Variants in POU6F2 observed in about 807,000 individuals in gnomAD.
The protein encoded by POU6F2 is POU domain, class 6, transcription factor 2.
POU6F2 carries 31 observed loss-of-function variants against 71.3 expected under a neutral mutation model. The observed-to-expected ratio is 0.43, with a 90% CI of 0.33 to 0.59. POU6F2 has a LOEUF of 0.59. POU6F2 is among the 20% of genes least tolerant of loss of function. The pLI, the probability that POU6F2 is intolerant of heterozygous loss-of-function variation, is 0.04. For missense variants in POU6F2, 783 were observed against 856.8 expected (o/e 0.91, Z 1.07); for synonymous variants, 347 against 355.7 (o/e 0.98, Z 0.27).
chr7:39,016,204 T>C (rs1235481865), intron 1 of POU6F2, among the ~76,000 whole-genome samples: 1 of 141,148 alleles, frequency 7.1e-6, no homozygotes. Context: ...TATATAGATG[T>C]ATATAAGATT....
chr7:39,280,501 C>A (rs1423908979), intron 4 of POU6F2, among the ~76,000 whole-genome samples: 2 of 152,222 alleles, frequency 1.3e-5, no homozygotes, highest in African/African-American at 4.8e-5. Flanking sequence ...TCTCTGGAAC[C>A]TACTCTCCTT....
chr7:39,392,922 G>A (rs942057281), intron 5 of POU6F2, among the ~76,000 whole-genome samples: 7 of 152,072 alleles, frequency 4.6e-5, no homozygotes, highest in African/African-American at 1.7e-4. Context: ...TTGCTGATTG[G>A]GGAGATGGGT....
chr7:39,407,722 G>A (rs1358130944), intron 6 of POU6F2, among the ~76,000 whole-genome samples: 2 of 152,022 alleles, frequency 1.3e-5, no homozygotes, highest in African/African-American at 4.8e-5. Context: ...TTGATGTCTT[G>A]AACCCTGTTT....
intron 2 of POU6F2, among the ~76,000 whole-genome samples, chr7:39,176,128 A>G (rs943470335): frequency 3.9e-5 from 6 of 152,138 alleles, no homozygotes; most frequent in African/African-American, 1.4e-4. Context: ...TCCGCCAAAT[A>G]ACCACCCCTG....
At chr7:39,432,423 G>A (rs1788124366) in intron 6 of POU6F2, among the ~76,000 whole-genome samples, 2 of 152,162 alleles carry the variant, frequency 1.3e-5, no homozygotes, top group South Asian at 4.1e-4. Context: ...ATTCTCTCAA[G>A]CCTTCAGAAA....
intron 2 of POU6F2, among the ~76,000 whole-genome samples, chr7:39,110,953 G>A (rs934462843): frequency 6.6e-6 from 1 of 151,986 alleles, no homozygotes; most frequent in Non-Finnish European, 1.5e-5. Context: ...AACTGATAGT[G>A]GATTTTGTAA....
At chr7:39,174,526 T>TA (rs1360929250) in intron 2 of POU6F2, among the ~76,000 whole-genome samples, 3 of 152,184 alleles carry the variant, frequency 2.0e-5, no homozygotes, top group Non-Finnish European at 4.4e-5. Flanking sequence ...CCTGCAAACT[T>TA]ATCTGCAGTC....
chr7:39,099,815 A>G (rs947872184), intron 2 of POU6F2, among the ~76,000 whole-genome samples: 4 of 152,084 alleles, frequency 2.6e-5, no homozygotes, highest in Non-Finnish European at 5.9e-5. Context: ...CCCAATGCGT[A>G]TTTTTCCAAG....
At chr7:39,112,346 C>T (rs980332991) in intron 2 of POU6F2, among the ~76,000 whole-genome samples, 1 of 152,148 alleles carries the variant, frequency 6.6e-6, no homozygotes. Flanking sequence ...CTCGCTATAA[C>T]AAAATGTTTC....
At chr7:39,260,216 C>T (rs1784106226) in intron 4 of POU6F2, among the ~76,000 whole-genome samples, 1 of 148,792 alleles carries the variant, frequency 6.7e-6, no homozygotes, top group Non-Finnish European at 1.5e-5. Flanking sequence ...ACACACCACA[C>T]ACTATACACA....
At chr7:39,124,419 C>A (rs1792106057) in intron 2 of POU6F2, among the ~76,000 whole-genome samples, 1 of 152,072 alleles carries the variant, frequency 6.6e-6, no homozygotes, top group Non-Finnish European at 1.5e-5. Flanking sequence ...TGATCAACAA[C>A]TATATTTTTA....
chr7:39,448,214 G>GGTCA lies in POU6F2; in HGVS notation c.1321-3316_1321-3313dup, dbSNP rs1291512011. Among the ~76,000 whole-genome samples, 6 of 152,122 alleles carry GGTCA rather than the reference G, an allele frequency of 3.9e-5. No homozygotes were observed. The East Asian group carries it at 7.7e-4, about 20-fold the overall frequency. Reference sequence around the variant, plus strand: ...AAGGAAAGACGTTATGAAGGCGAGAGGTCAGTATCTGGGCTGATTTTGACA... The same window carrying GGTCA: ...AAGGAAAGACGTTATGAAGGCGAGAGGTCAGTCAGTATCTGGGCTGATTTTGACA... On this transcript the variant is annotated intron_variant, in intron 7 of 9. Transcript: ENST00000518318.
intron 2 of POU6F2, among the ~76,000 whole-genome samples, chr7:39,086,267 C>T (rs1027602294): frequency 3.9e-5 from 6 of 152,080 alleles, no homozygotes; most frequent in African/African-American, 1.4e-4. Flanking sequence ...TCAAATATTG[C>T]TAGAGTCCCC....
At chr7:39,123,880 T>C (rs1223652558) in intron 2 of POU6F2, among the ~76,000 whole-genome samples, 1 of 152,184 alleles carries the variant, frequency 6.6e-6, no homozygotes, top group African/African-American at 2.4e-5. Flanking sequence ...TAGTAAAATC[T>C]GTAAATTCAT....
intron 5 of POU6F2, among the ~76,000 whole-genome samples, chr7:39,405,543 ATTG>A (rs199701990): frequency 0.016 from 2,512 of 152,320 alleles, 31 homozygotes; most frequent in Middle Eastern, 0.034. Flanking sequence ...CAACACAACA[ATTG>A]TTGTACTTGA....
At chr7:39,161,469 A>G (rs956181346) in intron 2 of POU6F2, among the ~76,000 whole-genome samples, 4 of 152,178 alleles carry the variant, frequency 2.6e-5, no homozygotes, top group African/African-American at 9.7e-5. Flanking sequence ...AGACAGCTGT[A>G]TGACAGATAT....
chr7:39,165,752 G>C (rs997117899), intron 2 of POU6F2, among the ~76,000 whole-genome samples: 14 of 152,188 alleles, frequency 9.2e-5, no homozygotes, highest in African/African-American at 3.4e-4. Context: ...AAAAAGAAGA[G>C]GGGGGAAACA....
At chr7:39,404,493 C>A (rs1280280354) in intron 5 of POU6F2, 2 of 152,084 alleles carry the variant, frequency 1.3e-5, no homozygotes, top group Admixed American at 6.5e-5. Context: ...AATTGTCTAT[C>A]TTTTTCAGAG....
At chr7:39,264,117 G>A (rs755908871) in intron 4 of POU6F2, among the ~76,000 whole-genome samples, 2 of 152,140 alleles carry the variant, frequency 1.3e-5, no homozygotes, top group Non-Finnish European at 2.9e-5. Context: ...GAGGACCATG[G>A]GCCCTAGAGC....
Sources: gnomAD v4.1 joint callset for allele counts (sites outside exome capture counted in the v4.1 genomes callset) on GRCh38, gnomAD v4.1.1 for gene constraint, MANE v1.5 for transcripts, NCBI Gene and HGNC (gene_info 2026-07-23, HGNC 2026-07-21) for gene names.